The following LRFN2 variants were observed in gnomAD, a reference collection of about 807,000 sequenced individuals.
LRFN2 encodes leucine-rich repeat and fibronectin type-III domain-containing protein 2.
Under a neutral mutation model 37.3 loss-of-function variants are expected in LRFN2, and 18 were observed. The ratio of observed to expected loss-of-function variants is 0.48; its 90% confidence interval spans 0.33 to 0.72. The LOEUF is 0.72. Among genes scored for constraint, LRFN2 ranks in the 30% least tolerant of loss-of-function variants. The pLI, the probability that LRFN2 is intolerant of heterozygous loss-of-function variation, is 0.02. For missense variants in LRFN2, 1,006 were observed against 1,060.7 expected (o/e 0.95, Z 0.72); for synonymous variants, 556 against 466.6 (o/e 1.19, Z -2.47).
At chr6:40,430,821 C>T (rs1763460620) in intron 2 of LRFN2, among the ~76,000 whole-genome samples, 1 of 152,176 alleles carries the variant, frequency 6.6e-6, no homozygotes, top group Admixed American at 6.5e-5. Flanking sequence ...AGGGGGCTCA[C>T]ATGATGTGGT....
intron 2 of LRFN2, among the ~76,000 whole-genome samples, chr6:40,409,757 A>C (rs1414938504): frequency 1.3e-5 from 2 of 152,092 alleles, no homozygotes; most frequent in Non-Finnish European, 2.9e-5. Flanking sequence ...GACAGCCAGC[A>C]CTCGTGCATG....
At chr6:40,544,630 A>G (rs765359730) in intron 1 of LRFN2, among the ~76,000 whole-genome samples, 10 of 152,202 alleles carry the variant, frequency 6.6e-5, no homozygotes, top group Non-Finnish European at 1.2e-4. Context: ...CCTGTAACAG[A>G]AGAGAAGGAA....
intron 1 of LRFN2, among the ~76,000 whole-genome samples, chr6:40,582,957 A>G (rs1301334338): frequency 6.6e-6 from 1 of 152,134 alleles, no homozygotes; most frequent in Non-Finnish European, 1.5e-5. Flanking sequence ...CACAGACCAC[A>G]CTTGGGGTAG....
intron 1 of LRFN2, among the ~76,000 whole-genome samples, chr6:40,550,809 G>T (rs1353567701): frequency 6.6e-6 from 1 of 152,182 alleles, no homozygotes; most frequent in Admixed American, 6.5e-5. Context: ...GGATGAAGAG[G>T]ACTCACAGTG....
Position 40,432,726 on chromosome 6 carries a change from T to G in LRFN2, c.388A>C (p.Ile130Leu). Reference sequence around the variant, plus strand: ...CCGCCCAGCTGGTTGTTGTTCACGATAAGGTGCTGCAGGTTGACCAGGCCC... The same window carrying G: ...CCGCCCAGCTGGTTGTTGTTCACGAGAAGGTGCTGCAGGTTGACCAGGCCC... ...LRGLVNLQHL[I>L]VNNNQLGGIA... The change falls in exon 2 of 3, where the codon ATC becomes CTC. Residue 130 changes from isoleucine (I) to leucine (L), a missense_variant. This residue lies in a region of LRFN2 where 185 missense variants were observed against 254.9 expected (regional missense o/e 0.73). Coordinates refer to ENST00000338305, the MANE Select transcript of LRFN2 (RefSeq NM_020737.3). The G allele has an allele frequency of 6.2e-7, 1 of 1,614,176 alleles. No individual in the cohort carries two copies. The highest frequency in any genetic ancestry group is 8.5e-7 in the Non-Finnish European group (1 of 1,180,036).
intron 1 of LRFN2, among the ~76,000 whole-genome samples, chr6:40,436,074 G>C (rs1763666699): frequency 6.6e-6 from 1 of 152,022 alleles, no homozygotes; most frequent in South Asian, 2.1e-4. Flanking sequence ...AATTAATTTT[G>C]ATAATGTATT....
intron 1 of LRFN2, among the ~76,000 whole-genome samples, chr6:40,484,223 C>T (rs1764899258): frequency 6.6e-6 from 1 of 152,174 alleles, no homozygotes; most frequent in African/African-American, 2.4e-5. Context: ...AGACAGCGGG[C>T]CCTGACACGG....
At chr6:40,494,162 G>C (rs748130783) in intron 1 of LRFN2, among the ~76,000 whole-genome samples, 1 of 152,226 alleles carries the variant, frequency 6.6e-6, no homozygotes, top group Admixed American at 6.5e-5. Context: ...TCAGGTCCAG[G>C]GGGAGACAGG....
At chr6:40,531,551 C>T (rs954988689) in intron 1 of LRFN2, among the ~76,000 whole-genome samples, 4 of 152,180 alleles carry the variant, frequency 2.6e-5, no homozygotes, top group Non-Finnish European at 5.9e-5. Flanking sequence ...ATCCTCCCTC[C>T]AGCAGTGGAG....
chr6:40,453,306 C>G (rs1047450500), intron 1 of LRFN2, among the ~76,000 whole-genome samples: 3 of 152,072 alleles, frequency 2.0e-5, no homozygotes, highest in Non-Finnish European at 4.4e-5. Context: ...AATTGGCTGG[C>G]TTTGATATTC....
intron 1 of LRFN2, among the ~76,000 whole-genome samples, chr6:40,504,652 C>T (rs570752424): frequency 6.6e-6 from 1 of 152,242 alleles, no homozygotes; most frequent in South Asian, 2.1e-4. Context: ...ATGGAAAGAC[C>T]TCTTGAAGGG....
chr6:40,569,947 C>T (rs1767158460), intron 1 of LRFN2, among the ~76,000 whole-genome samples: 1 of 152,160 alleles, frequency 6.6e-6, no homozygotes, highest in South Asian at 2.1e-4. Flanking sequence ...CCTCTGCGTT[C>T]CCTCCAGCAT....
At chr6:40,523,587 A>G (rs1402881329) in intron 1 of LRFN2, among the ~76,000 whole-genome samples, 2 of 148,910 alleles carry the variant, frequency 1.3e-5, no homozygotes, top group Non-Finnish European at 3.0e-5. Context: ...AGAGGCTACG[A>G]ATAATACCTT....
chr6:40,490,142 A>T (rs1765055566), intron 1 of LRFN2, among the ~76,000 whole-genome samples: 2 of 152,178 alleles, frequency 1.3e-5, no homozygotes, highest in South Asian at 2.1e-4. Flanking sequence ...GTGGAAGCAC[A>T]TCTCGTCAGG....
At chr6:40,556,848 C>T (rs1766901422) in intron 1 of LRFN2, among the ~76,000 whole-genome samples, 1 of 152,112 alleles carries the variant, frequency 6.6e-6, no homozygotes, top group Non-Finnish European at 1.5e-5. Context: ...TTGACCCACT[C>T]ACAGAATTCC....
At chr6:40,473,834 C>T (rs1188994294) in intron 1 of LRFN2, among the ~76,000 whole-genome samples, 1 of 152,132 alleles carries the variant, frequency 6.6e-6, no homozygotes, top group Non-Finnish European at 1.5e-5. Context: ...AACATATCAT[C>T]CCTATATTAC....
chr6:40,533,978 A>G (rs1318528260), intron 1 of LRFN2, among the ~76,000 whole-genome samples: 1 of 152,238 alleles, frequency 6.6e-6, no homozygotes, highest in East Asian at 1.9e-4. Context: ...AGTTCTTCAC[A>G]TGGACTAGCC....
chr6:40,541,337 C>T (rs1275623343), intron 1 of LRFN2, among the ~76,000 whole-genome samples: 1 of 152,192 alleles, frequency 6.6e-6, no homozygotes, highest in East Asian at 1.9e-4. Context: ...CATTTTCAGT[C>T]GCCTCACATT....
chr6:40,399,438 C>CTTTTTTTTTTTTTTTTTTT (rs71543989), intron 2 of LRFN2, among the ~76,000 whole-genome samples: 4 of 108,922 alleles, frequency 3.7e-5, no homozygotes, highest in Non-Finnish European at 5.4e-5. Context: ...TTTTTTTTTT[C>CTTTTTTTTTTTTTTTTTTT]TTTTTTTTTT....
Sources: allele counts gnomAD v4.1 joint callset (sites outside exome capture counted in the v4.1 genomes callset), GRCh38; gene constraint gnomAD v4.1.1; regional missense constraint gnomAD v4.1.1; transcripts MANE v1.5; gene names NCBI Gene and HGNC (gene_info 2026-07-23, HGNC 2026-07-21).